NUDT1: variants seen among roughly 807,000 people sequenced by gnomAD.
NUDT1 encodes the protein nudix hydrolase 1, also known as oxidized purine nucleoside triphosphate hydrolase.
In NUDT1, 16 loss-of-function variants were observed where a neutral mutation model predicts 11.3. The ratio of observed to expected loss-of-function variants is 1.41; its 90% CI spans 0.96 to 2.15. The LOEUF is 2.15. Ranked by LOEUF, NUDT1 falls within the 30% of genes most tolerant of loss-of-function variation. NUDT1 has a pLI of 0.00. For missense variants in NUDT1, 234 were observed against 208.4 expected (o/e 1.12, Z -0.76); for synonymous variants, 101 against 84.4 (o/e 1.20, Z -1.08).
chr7:2,245,938 T>C (rs1375091853), intron 2 of NUDT1, among the ~76,000 whole-genome samples: 3 of 151,914 alleles, frequency 2.0e-5, no homozygotes, highest in African/African-American at 4.8e-5. Context: ...CCTCCAAGGC[T>C]TGGGACCCCA....
At chr7:2,244,445 A>C in intron 1 of NUDT1, 118 bp from the exon 2 acceptor site, 8 of 942,540 alleles carry the variant, frequency 8.5e-6, no homozygotes, top group East Asian at 2.6e-5. Flanking sequence ...CTGGGGAGTT[A>C]CAGCATACCC....
At chr7:2,248,402 C>T (rs997183718) in intron 2 of NUDT1, among the ~76,000 whole-genome samples, 5 of 152,296 alleles carry the variant, frequency 3.3e-5, no homozygotes, top group Admixed American at 6.5e-5. Context: ...ACACGGGTTT[C>T]CACCATAACC....
chr7:2,243,260 G>A (rs779891020), intron 1 of NUDT1, among the ~76,000 whole-genome samples: 2 of 152,160 alleles, frequency 1.3e-5, no homozygotes, highest in Non-Finnish European at 2.9e-5. Flanking sequence ...GCGGGCTCGG[G>A]AAATGCAACA....
At chr7:2,246,950 C>T (rs1794790171) in intron 2 of NUDT1, among the ~76,000 whole-genome samples, 1 of 152,118 alleles carries the variant, frequency 6.6e-6, no homozygotes, top group African/African-American at 2.4e-5. Flanking sequence ...AGAAAAAAAT[C>T]CTTCGTTGGG....
intron 1 of NUDT1, 108 bp from the exon 2 acceptor site, chr7:2,244,455 C>T (rs1175240338): frequency 7.8e-6 from 7 of 901,636 alleles, no homozygotes; most frequent in Non-Finnish European, 1.1e-5. Context: ...ACAGCATACC[C>T]CCCCGCCCCC....
At chr7:2,243,128 G>T (rs1794618281) in intron 1 of NUDT1, 1 of 646,266 alleles carries the variant, frequency 1.5e-6, no homozygotes, top group South Asian at 1.7e-5. Context: ...GGTTCCATCA[G>T]TTGATGGCCT....
At position 2,245,578 on chromosome 7, in the gene NUDT1, C is replaced by T. The variant is rs759542043; in HGVS notation, c.152+852C>T. 2.6e-5 allele frequency among the ~76,000 whole-genome samples: 4 copies of T among 152,240 alleles called. No homozygotes were observed. The South Asian group carries it at 8.3e-4, about 32-fold the overall frequency. On this transcript the variant is annotated intron_variant, in intron 2 of 3. Transcript: ENST00000356714. ...AAAAGGGGGCTCTACTTTTCCGATT[C>T]ATTTCTCTTTTTTTCTCCAGAGGTG...
intron 2 of NUDT1, 190 bp from the exon 3 acceptor site, chr7:2,249,667 T>G (rs1219718316): frequency 3.1e-5 from 21 of 680,132 alleles, no homozygotes; most frequent in Non-Finnish European, 4.8e-5. Context: ...TCTTCAAAGT[T>G]CAAGTTGATT....
chr7:2,250,885 G>A lies in NUDT1; in HGVS notation c.355G>A (p.Asp119Asn), dbSNP rs1360979265. 23 of 1,614,044 alleles carry A rather than the reference G, an allele frequency of 1.4e-5. 1 individual carries two copies. The highest frequency in any genetic ancestry group is 1.1e-4 in the East Asian group (5 of 44,898). The change falls in exon 4 of 4, where the codon GAC becomes AAC. Residue 119 changes from aspartate (D) to asparagine (N), a missense_variant. Transcript: ENST00000356714. ...DQIPFKDMWP[D>N]DSYWFPLLLQ... Reference sequence around the variant, plus strand: ...GATCCCCTTCAAGGACATGTGGCCCGACGACAGCTACTGGTTTCCACTCCT... The same window carrying A: ...GATCCCCTTCAAGGACATGTGGCCCAACGACAGCTACTGGTTTCCACTCCT...
At chr7:2,242,847 CCTTG>C in intron 1 of NUDT1, 1 of 677,864 alleles carries the variant, frequency 1.5e-6, no homozygotes, top group Non-Finnish European at 2.7e-6. Flanking sequence ...TTCAGTTTAG[CCTTG>C]TAGGTGGCTT....
rs547745300 is a variant in NUDT1 at position 2,251,059 on chromosome 7, T to A, written c.*58T>A. 50 of 1,567,780 alleles carry A rather than the reference T, an allele frequency of 3.2e-5. 1 individual carries two copies. The South Asian group carries it at 5.3e-4, about 17-fold the overall frequency. ...GTGGCTGCTGAACAGCCGCAAACCA[T>A]CTTCACCTGGGGGCATTGAGTGGCG... On this transcript the variant is annotated 3_prime_UTR_variant, in exon 4 of 4. Coordinates refer to ENST00000356714, the MANE Select transcript of NUDT1 (RefSeq NM_002452.4).
chr7:2,250,118 C>G, intron 3 of NUDT1, 116 bp downstream of exon 3: 1 of 1,337,874 alleles, frequency 7.5e-7, no homozygotes, highest in Non-Finnish European at 1.0e-6. Context: ...AGCCTGCGTC[C>G]CCCTCCACCC....
intron 2 of NUDT1, among the ~76,000 whole-genome samples, chr7:2,246,515 G>C (rs1240391599): frequency 6.6e-6 from 1 of 152,226 alleles, no homozygotes; most frequent in Non-Finnish European, 1.5e-5. Flanking sequence ...GTGCTGAGGA[G>C]GCTGGATGGA....
At chr7:2,244,452 A>AGCCCC in intron 1 of NUDT1, 111 bp from the exon 2 acceptor site, 1 of 553,136 alleles carries the variant, frequency 1.8e-6, no homozygotes, top group Non-Finnish European at 3.2e-6. Flanking sequence ...GTTACAGCAT[A>AGCCCC]CCCCCCCGCC....
At position 2,249,934 on chromosome 7, in the gene NUDT1, A is replaced by T. The variant is rs1445534641; in HGVS notation, c.230A>T (p.Glu77Val). The change falls in exon 3 of 4, where the codon GAG (glutamate) becomes GTG (valine). Residue 77 changes from glutamate to valine, a missense_variant. Coordinates refer to ENST00000356714, the MANE Select transcript of NUDT1 (RefSeq NM_002452.4). ...VGQIVFEFVG[E>V]PELMDVHVFC... ...CAGATCGTGTTTGAGTTCGTGGGCG[A>T]GCCTGAGCTCATGGACGTGCATGTC... The T allele has an allele frequency of 6.2e-7, 1 of 1,614,046 alleles. No individual in the cohort carries two copies. The highest frequency in any genetic ancestry group is 1.3e-5 in the African/African-American group (1 of 74,924).
At chr7:2,248,528 A>C (rs1458018039) in intron 2 of NUDT1, among the ~76,000 whole-genome samples, 1 of 150,586 alleles carries the variant, frequency 6.6e-6, no homozygotes, top group Non-Finnish European at 1.5e-5. Context: ...CCCGAGGTAT[A>C]AAGTGTGTAT....
chr7:2,249,281 T>C (rs28514741), intron 2 of NUDT1: 10,481 of 160,106 alleles, frequency 0.065, 988 homozygotes, highest in African/African-American at 0.21. Context: ...AAACAGATCA[T>C]AGAAGCCTGT....
At chr7:2,250,443 A>G (rs546643443) in intron 3 of NUDT1, among the ~76,000 whole-genome samples, 4 of 152,200 alleles carry the variant, frequency 2.6e-5, no homozygotes, top group African/African-American at 9.6e-5. Flanking sequence ...CTACAAAAAA[A>G]CATGGTTTTG....
intron 3 of NUDT1, among the ~76,000 whole-genome samples, 155 bp from the exon 4 acceptor site, chr7:2,250,674 G>A (rs1021148036): frequency 5.8e-5 from 5 of 86,476 alleles, no homozygotes; most frequent in South Asian, 6.5e-4. Flanking sequence ...TAGCCAGGAT[G>A]GTCTCGATCT....
Sources: gnomAD v4.1 joint callset for allele counts (sites outside exome capture counted in the v4.1 genomes callset) on GRCh38, gnomAD v4.1.1 for gene constraint, MANE v1.5 for transcripts, NCBI Gene and HGNC (gene_info 2026-07-23, HGNC 2026-07-21) for gene names.